Variants in RBFOX1 observed in about 807,000 individuals in gnomAD.
RBFOX1 encodes the protein RNA binding fox-1 homolog 1, also known as RNA binding protein fox-1 homolog 1.
A neutral mutation model predicts 57.7 loss-of-function variants in RBFOX1; 8 were observed. The ratio of observed to expected loss-of-function variants is 0.14; its 90% CI spans 0.08 to 0.25. The LOEUF is 0.25. Ranked by LOEUF, RBFOX1 falls within the 10% of genes least tolerant of loss-of-function variation. RBFOX1 has a pLI of 1.00. For missense variants in RBFOX1, 611 were observed against 548.5 expected (o/e 1.11, Z -1.14); for synonymous variants, 326 against 222.4 (o/e 1.47, Z -4.15).
intron 3 of RBFOX1, among the ~76,000 whole-genome samples, chr16:5,701,771 A>AT (rs945350652): frequency 1.2e-3 from 182 of 152,284 alleles, no homozygotes; most frequent in African/African-American, 4.0e-3. Context: ...TACCAGAGGC[A>AT]TTTTTTGTCC....
chr16:6,450,840 T>C (rs1228957632), intron 2 of RBFOX1, among the ~76,000 whole-genome samples: 3 of 15,640 alleles, frequency 1.9e-4, no homozygotes, highest in African/African-American at 3.6e-4. Flanking sequence ...TATATATGTG[T>C]ATATATATAT....
intron 1 of RBFOX1, among the ~76,000 whole-genome samples, chr16:5,409,909 A>G (rs1596920972): frequency 6.6e-6 from 1 of 151,998 alleles, no homozygotes; most frequent in South Asian, 2.1e-4. Context: ...TTAGCTGGGC[A>G]TCGTGGCGGA....
intron 5 of RBFOX1, among the ~76,000 whole-genome samples, chr16:7,575,159 G>C (rs568069998): frequency 1.3e-5 from 2 of 151,932 alleles, no homozygotes; most frequent in African/African-American, 4.8e-5. Context: ...TTTTGAGATG[G>C]AGTCTCACTC....
intron 3 of RBFOX1, among the ~76,000 whole-genome samples, chr16:5,794,323 T>TC (rs1241462743): frequency 1.3e-5 from 2 of 151,810 alleles, no homozygotes; most frequent in East Asian, 3.9e-4. Flanking sequence ...CACCTCCTTT[T>TC]TTTCCTCATC....
At chr16:7,049,687 T>TC (rs1555813451) in intron 3 of RBFOX1, among the ~76,000 whole-genome samples, 1 of 151,960 alleles carries the variant, frequency 6.6e-6, no homozygotes, top group African/African-American at 2.4e-5. Context: ...GTCGTTTTGT[T>TC]CCCCCCTCCA....
intron 4 of RBFOX1, among the ~76,000 whole-genome samples, chr16:7,265,893 G>T (rs1201362491): frequency 3.3e-5 from 5 of 151,584 alleles, no homozygotes; most frequent in African/African-American, 1.2e-4. Context: ...TTTAGATCAT[G>T]GGAATGGGTT....
At chr16:6,706,445 A>G (rs1028765940) in intron 3 of RBFOX1, among the ~76,000 whole-genome samples, 1 of 152,198 alleles carries the variant, frequency 6.6e-6, no homozygotes, top group Non-Finnish European at 1.5e-5. Flanking sequence ...CTCCCCTTCC[A>G]GCTTTGGATG....
chr16:6,289,101 T>C (rs981076438), intron 1 of RBFOX1, among the ~76,000 whole-genome samples: 1 of 151,940 alleles, frequency 6.6e-6, no homozygotes, highest in African/African-American at 2.4e-5. Flanking sequence ...TTGGAGGGGG[T>C]TATTTCTGGA....
At chr16:6,851,926 G>GTT (rs71147610) in intron 3 of RBFOX1, among the ~76,000 whole-genome samples, 2,371 of 143,556 alleles carry the variant, frequency 0.017, 71 homozygotes, top group African/African-American at 0.053. Flanking sequence ...TTTCCATTGG[G>GTT]TTTTTTTTTT....
At chr16:7,587,129 A>T in intron 6 of RBFOX1, 118 bp from the exon 7 acceptor site, 3 of 1,211,182 alleles carry the variant, frequency 2.5e-6, no homozygotes. Flanking sequence ...AAAACATAAA[A>T]TGTGTATCCT....
chr16:6,917,268 A>C (rs993802329), intron 3 of RBFOX1, among the ~76,000 whole-genome samples: 1 of 152,192 alleles, frequency 6.6e-6, no homozygotes. Flanking sequence ...TGTCCCAGCT[A>C]CTGTTAGGGA....
At chr16:6,456,182 A>T (rs1166574384) in intron 2 of RBFOX1, among the ~76,000 whole-genome samples, 1 of 152,180 alleles carries the variant, frequency 6.6e-6, no homozygotes, top group Non-Finnish European at 1.5e-5. Context: ...AAATACTATT[A>T]AGACCAAGTC....
chr16:6,674,201 A>G (rs1377747721), intron 3 of RBFOX1, among the ~76,000 whole-genome samples: 1 of 152,136 alleles, frequency 6.6e-6, no homozygotes. Context: ...TCCCACCCCC[A>G]TACCTGTGAA....
intron 3 of RBFOX1, among the ~76,000 whole-genome samples, chr16:6,657,214 C>T (rs188185550): frequency 1.1e-4 from 16 of 151,768 alleles, no homozygotes; most frequent in African/African-American, 3.4e-4. Flanking sequence ...CTTCCTTCCT[C>T]CCTCCTTCCT....
chr16:5,871,936 C>T (rs554823414), intron 4 of RBFOX1, among the ~76,000 whole-genome samples: 5 of 152,238 alleles, frequency 3.3e-5, no homozygotes, highest in East Asian at 3.9e-4. Flanking sequence ...TGGGAAACTA[C>T]GCAGGTAGCA....
At chr16:6,990,818 A>G (rs1199383982) in intron 3 of RBFOX1, among the ~76,000 whole-genome samples, 1 of 152,132 alleles carries the variant, frequency 6.6e-6, no homozygotes, top group African/African-American at 2.4e-5. Context: ...GCTGATACAT[A>G]TCAGTGAGTG....
At chr16:6,252,981 G>A (rs80323736) in intron 1 of RBFOX1, among the ~76,000 whole-genome samples, 1,945 of 152,186 alleles carry the variant, frequency 0.013, 56 homozygotes, top group African/African-American at 0.044. Context: ...TGCTTTCTTC[G>A]TAATATCTCT....
At chr16:6,658,913 TTTTTTTGTTTTTTG>T (rs1160611277) in intron 3 of RBFOX1, among the ~76,000 whole-genome samples, 4 of 120,058 alleles carry the variant, frequency 3.3e-5, no homozygotes, top group African/African-American at 1.2e-4. Context: ...AGGTTTTTTG[TTTTTTTGTTTTTTG>T]GTTTTTTTGT....
intron 4 of RBFOX1, among the ~76,000 whole-genome samples, chr16:7,313,218 C>T (rs1250868214): frequency 6.6e-6 from 1 of 152,198 alleles, no homozygotes; most frequent in Non-Finnish European, 1.5e-5. Flanking sequence ...CAGGTTCCCT[C>T]AACCAAATAA....
Sources: gnomAD v4.1 joint callset for allele counts (sites outside exome capture counted in the v4.1 genomes callset) on GRCh38, gnomAD v4.1.1 for gene constraint, MANE v1.5 for transcripts, NCBI Gene and HGNC (gene_info 2026-07-23, HGNC 2026-07-21) for gene names.